The following RHBDD1 variants were observed in gnomAD, a reference collection of about 807,000 sequenced individuals.
RHBDD1 encodes the protein rhomboid domain containing 1, also known as rhomboid-related protein 4.
RHBDD1 carries 38 observed loss-of-function variants against 36.3 expected under a neutral mutation model. The observed-to-expected ratio is 1.05, with a 90% CI of 0.81 to 1.37. The LOEUF is 1.37. RHBDD1 is among the 40% of genes most tolerant of loss of function. The pLI, the probability that RHBDD1 is intolerant of heterozygous loss-of-function variation, is 0.00. For synonymous variants in RHBDD1, 151 were observed against 136.5 expected, an observed-to-expected ratio of 1.11 and a Z score of -0.74; for missense variants, 393 against 377.6, an observed-to-expected ratio of 1.04 and a Z score of -0.34.
At chr2:226,966,760 G>A (rs1952662281) in intron 8 of RHBDD1, among the ~76,000 whole-genome samples, 1 of 152,036 alleles carries the variant, frequency 6.6e-6, no homozygotes, top group Non-Finnish European at 1.5e-5. Context: ...CAAACTCCTG[G>A]ACTCAAGCAA....
intron 8 of RHBDD1, among the ~76,000 whole-genome samples, chr2:226,933,141 C>T (rs1372070053): frequency 1.3e-5 from 2 of 152,056 alleles, no homozygotes; most frequent in Non-Finnish European, 2.9e-5. Context: ...ATGGAAGAAA[C>T]CGCCCCTGTG....
At chr2:226,802,028 C>T in the RHBDD1 span, among the ~76,000 whole-genome samples, 3 of 151,338 alleles carry the variant, frequency 2.0e-5, no homozygotes, top group Non-Finnish European at 2.9e-5. Context: ...CCACCCCCCA[C>T]CCCCCAAAAA....
chr2:226,972,836 G>GT (rs1484245922), intron 8 of RHBDD1, among the ~76,000 whole-genome samples: 1 of 151,022 alleles, frequency 6.6e-6, no homozygotes, highest in Non-Finnish European at 1.5e-5. Context: ...TTTTGGTTGG[G>GT]TTATAGGTAA....
intron 3 of RHBDD1, among the ~76,000 whole-genome samples, chr2:226,864,346 T>G (rs1232723670): frequency 6.6e-6 from 1 of 152,192 alleles, no homozygotes; most frequent in Non-Finnish European, 1.5e-5. Flanking sequence ...AATTTCGTGG[T>G]GTGTTTGTCA....
At chr2:226,926,165 G>A (rs942040002) in intron 8 of RHBDD1, among the ~76,000 whole-genome samples, 5 of 151,366 alleles carry the variant, frequency 3.3e-5, no homozygotes, top group Non-Finnish European at 7.4e-5. Flanking sequence ...GGATCATGAT[G>A]TCAGGAGATC....
At chr2:226,835,270 C>T (rs1316676142), upstream of RHBDD1, among the ~76,000 whole-genome samples, 3 of 152,182 alleles carry the variant, frequency 2.0e-5, no homozygotes, top group African/African-American at 7.2e-5. Flanking sequence ...TTAACTTAGC[C>T]TAACTCCTAC....
intron 3 of RHBDD1, among the ~76,000 whole-genome samples, chr2:226,849,767 C>G (rs1244880805): frequency 1.3e-5 from 2 of 152,198 alleles, no homozygotes; most frequent in African/African-American, 4.8e-5. Flanking sequence ...TCATCTGTAT[C>G]TATATCTATA....
chr2:226,872,538 G>A (rs991403335), intron 5 of RHBDD1, among the ~76,000 whole-genome samples: 3 of 152,150 alleles, frequency 2.0e-5, no homozygotes, highest in South Asian at 2.1e-4. Flanking sequence ...ACTTTGGAAA[G>A]CCTCTATCAA....
At chr2:226,852,841 C>T (rs1942948000) in intron 3 of RHBDD1, among the ~76,000 whole-genome samples, 1 of 150,804 alleles carries the variant, frequency 6.6e-6, no homozygotes, top group African/African-American at 2.4e-5. Flanking sequence ...TCAAGTGATC[C>T]TCCTGCCTCA....
intron 8 of RHBDD1, among the ~76,000 whole-genome samples, chr2:226,994,284 G>A (rs1281754945): frequency 1.3e-5 from 2 of 152,202 alleles, no homozygotes; most frequent in African/African-American, 4.8e-5. Flanking sequence ...AGGTCAGGGG[G>A]TCCCCTACCA....
chr2:226,819,522 A>G, the RHBDD1 span, among the ~76,000 whole-genome samples: 3 of 152,310 alleles, frequency 2.0e-5, no homozygotes, highest in Admixed American at 1.3e-4. Context: ...AGGTTCATCA[A>G]TTGTAACAAA....
rs59954520 is a variant in RHBDD1, at chr2:226,948,576, A to AAAC, written c.856+34227_856+34228insCAA. Among the ~76,000 whole-genome samples the AAAC allele has an allele frequency of 2.2e-5, 3 of 137,566 alleles. 1 individual carries two copies. The highest frequency in any genetic ancestry group is 8.2e-5 in the African/African-American group (3 of 36,408). 90.2% of individuals were successfully genotyped at this position (137,566 alleles called of 152,430 possible). ...AAAACTTAAAGTATAAAAAAAAAAA[A>AAAC]AAAAAAAAACGAAAAAAATAAAAAT... On this transcript the variant is annotated intron_variant, in intron 8 of 8. Coordinates refer to ENST00000392062, the MANE Select transcript of RHBDD1 (RefSeq NM_001167608.3).
At chr2:226,857,936 G>A (rs553343930) in intron 3 of RHBDD1, among the ~76,000 whole-genome samples, 21 of 152,070 alleles carry the variant, frequency 1.4e-4, no homozygotes, top group Admixed American at 3.3e-4. Context: ...GTTATATTTC[G>A]GCTTTTAAAG....
At chr2:226,949,871 C>G (rs901279795) in intron 8 of RHBDD1, among the ~76,000 whole-genome samples, 7 of 152,088 alleles carry the variant, frequency 4.6e-5, no homozygotes, top group Middle Eastern at 3.2e-3. Context: ...ATTTCCCTCT[C>G]TTATAAGGAT....
At chr2:226,905,548 C>T (rs933905530) in intron 5 of RHBDD1, among the ~76,000 whole-genome samples, 5 of 152,166 alleles carry the variant, frequency 3.3e-5, no homozygotes, top group Non-Finnish European at 7.3e-5. Context: ...CCGGAGTATT[C>T]TGTGAGAACC....
At chr2:226,858,396 A>G (rs993255235) in intron 3 of RHBDD1, among the ~76,000 whole-genome samples, 6 of 152,202 alleles carry the variant, frequency 3.9e-5, no homozygotes, top group African/African-American at 9.6e-5. Flanking sequence ...GGAAGTCTCA[A>G]TCTTCAGAAC....
intron 5 of RHBDD1, among the ~76,000 whole-genome samples, chr2:226,901,668 T>C (rs1439250740): frequency 6.6e-6 from 1 of 152,154 alleles, no homozygotes; most frequent in Non-Finnish European, 1.5e-5. Context: ...TGTTGCCCAT[T>C]CATATCAAAG....
At chr2:226,947,431 C>G (rs1385675548) in intron 8 of RHBDD1, among the ~76,000 whole-genome samples, 2 of 151,910 alleles carry the variant, frequency 1.3e-5, no homozygotes. Context: ...GGCGTTATTT[C>G]TGAGGGCTCT....
the RHBDD1 span, among the ~76,000 whole-genome samples, chr2:226,818,972 G>T: frequency 1.3e-5 from 2 of 152,136 alleles, no homozygotes; most frequent in African/African-American, 4.8e-5. Flanking sequence ...GTTTTCCATA[G>T]TCCCATGACT....
Sources: gnomAD v4.1 joint callset for allele counts (sites outside exome capture counted in the v4.1 genomes callset) on GRCh38, gnomAD v4.1.1 for gene constraint, MANE v1.5 for transcripts, NCBI Gene and HGNC (gene_info 2026-07-23, HGNC 2026-07-21) for gene names.